ATP8B4: variants seen among roughly 807,000 people sequenced by gnomAD.
The protein encoded by ATP8B4 is probable phospholipid-transporting ATPase IM.
Under a neutral mutation model 145.6 loss-of-function variants are expected in ATP8B4, and 133 were observed. That is an observed-to-expected ratio of 0.91 (90% confidence interval 0.79 to 1.05). The LOEUF (loss-of-function observed/expected upper bound fraction) is 1.05. ATP8B4 is among the 50% of genes least tolerant of loss of function. The pLI is 0.00. For synonymous variants in ATP8B4, 507 were observed against 492.9 expected, an observed-to-expected ratio of 1.03 and a Z score of -0.38; for missense variants, 1,458 against 1,425.2, an observed-to-expected ratio of 1.02 and a Z score of -0.37.
chr15:50,157,362 A>G (rs78893458), intron 1 of ATP8B4, among the ~76,000 whole-genome samples: 2,101 of 152,360 alleles, frequency 0.014, 51 homozygotes, highest in African/African-American at 0.048. Flanking sequence ...GAGCCATGGA[A>G]GTGGAGAGCT....
intron 11 of ATP8B4, 52 bp downstream of exon 11, chr15:49,981,154 A>C: frequency 4.3e-6 from 6 of 1,383,404 alleles, no homozygotes; most frequent in Non-Finnish European, 6.1e-6. Flanking sequence ...AAGATTCAGT[A>C]AATGTACTAA....
At chr15:50,060,489 C>A (rs1336727390) in intron 3 of ATP8B4, among the ~76,000 whole-genome samples, 4 of 152,160 alleles carry the variant, frequency 2.6e-5, no homozygotes, top group Non-Finnish European at 5.9e-5. Flanking sequence ...ACTAAGTGAC[C>A]TTTCTCTTAA....
intron 1 of ATP8B4, among the ~76,000 whole-genome samples, chr15:50,132,717 C>G (rs186926739): frequency 9.8e-5 from 15 of 152,298 alleles, no homozygotes; most frequent in African/African-American, 3.6e-4. Context: ...ACCCAAATGC[C>G]CATCAGTGAC....
intron 1 of ATP8B4, among the ~76,000 whole-genome samples, chr15:50,145,530 C>G (rs142252819): frequency 6.6e-6 from 1 of 152,246 alleles, no homozygotes; most frequent in Admixed American, 6.5e-5. Context: ...CATGTAGGTG[C>G]GTCACCCTAT....
chr15:50,149,053 T>G (rs1239285104), intron 1 of ATP8B4, among the ~76,000 whole-genome samples: 1 of 152,226 alleles, frequency 6.6e-6, no homozygotes, highest in Non-Finnish European at 1.5e-5. Context: ...CCCAGGTGAT[T>G]CTCTTGTTCA....
At chr15:50,051,905 T>C (rs1014178727) in intron 3 of ATP8B4, among the ~76,000 whole-genome samples, 30 of 152,238 alleles carry the variant, frequency 2.0e-4, no homozygotes, top group African/African-American at 7.0e-4. Flanking sequence ...AATTTTCTCC[T>C]ATTTGCTTAG....
intron 16 of ATP8B4, among the ~76,000 whole-genome samples, chr15:49,928,630 G>A (rs75439169): frequency 0.013 from 1,955 of 152,006 alleles, 40 homozygotes; most frequent in African/African-American, 0.045. Flanking sequence ...TTTTAAAAGC[G>A]AATAATTTTG....
At chr15:49,878,128 T>A (rs1054408204) in intron 24 of ATP8B4, among the ~76,000 whole-genome samples, 2 of 152,090 alleles carry the variant, frequency 1.3e-5, no homozygotes, top group Non-Finnish European at 2.9e-5. Context: ...CTTATTATAT[T>A]TTTTTTGAAT....
At chr15:50,065,618 C>A (rs1244936321) in intron 3 of ATP8B4, among the ~76,000 whole-genome samples, 2 of 152,116 alleles carry the variant, frequency 1.3e-5, no homozygotes, top group Non-Finnish European at 2.9e-5. Flanking sequence ...GTAACTTACT[C>A]TTCTTTCTAT....
At chr15:50,181,121 T>C (rs2044841054) in intron 1 of ATP8B4, among the ~76,000 whole-genome samples, 1 of 152,188 alleles carries the variant, frequency 6.6e-6, no homozygotes, top group Non-Finnish European at 1.5e-5. Context: ...CTGTATAAAA[T>C]AACTCAGGCT....
chr15:49,942,920 T>C (rs575396179), intron 14 of ATP8B4, among the ~76,000 whole-genome samples: 25 of 152,232 alleles, frequency 1.6e-4, no homozygotes, highest in African/African-American at 5.5e-4. Flanking sequence ...TGGCAAATAA[T>C]TCAAAATAGC....
At chr15:49,861,402 A>ATGTGTGTGTG (rs58396806) in intron 27 of ATP8B4, among the ~76,000 whole-genome samples, 22 of 99,252 alleles carry the variant, frequency 2.2e-4, no homozygotes, top group Admixed American at 6.5e-4. Flanking sequence ...TTAAAAAAAA[A>ATGTGTGTGTG]TGTGTGTGTG....
intron 1 of ATP8B4, among the ~76,000 whole-genome samples, chr15:50,168,521 G>T (rs1187937782): frequency 1.3e-5 from 2 of 152,162 alleles, no homozygotes; most frequent in Admixed American, 6.5e-5. Context: ...CAGCAGAAAG[G>T]CCCTGGGAGC....
chr15:50,031,796 A>T (rs770182299), intron 6 of ATP8B4, among the ~76,000 whole-genome samples: 2 of 152,140 alleles, frequency 1.3e-5, no homozygotes, highest in Non-Finnish European at 2.9e-5. Context: ...CTGGAAGTAC[A>T]AGGAAGGTGG....
upstream of ATP8B4, among the ~76,000 whole-genome samples, chr15:50,122,991 T>G (rs1333793143): frequency 1.3e-5 from 2 of 152,164 alleles, no homozygotes; most frequent in African/African-American, 4.8e-5. Context: ...TATGCATTCA[T>G]ATGAAAATTG....
Position 50,087,013 on chromosome 15 carries a change from ATAT to A in ATP8B4, c.29-12831_29-12829del, listed in dbSNP as rs1204983462. 9.1e-4 allele frequency among the ~76,000 whole-genome samples: 104 copies of A among 114,608 alleles called. 1 individual carries two copies. The East Asian group carries it at 0.019, about 21-fold the overall frequency. 75.2% of individuals were successfully genotyped at this position (114,608 alleles called of 152,430 possible). A position where few individuals can be genotyped will look rare whatever the true frequency, so the allele number is the denominator to read the frequency against. On this transcript the variant is annotated intron_variant, in intron 2 of 27. Transcript: ENST00000284509. ...ATATAATAAAATAATATAGAGATCT[ATAT>A]TATTATATATAATAAAATAATATAG...
intron 6 of ATP8B4, among the ~76,000 whole-genome samples, chr15:50,021,793 T>C (rs2049595314): frequency 6.6e-6 from 1 of 152,234 alleles, no homozygotes; most frequent in African/African-American, 2.4e-5. Context: ...CATTTCTGTA[T>C]CCTTAGTACA....
At chr15:49,983,182 C>A (rs1295821791) in intron 10 of ATP8B4, among the ~76,000 whole-genome samples, 2 of 152,160 alleles carry the variant, frequency 1.3e-5, no homozygotes, top group African/African-American at 4.8e-5. Flanking sequence ...TGTGTATCCC[C>A]AGCTCATGCT....
At chr15:49,960,917 G>C (rs2153506987) in intron 14 of ATP8B4, among the ~76,000 whole-genome samples, 1 of 152,264 alleles carries the variant, frequency 6.6e-6, no homozygotes. Context: ...TGGATCACGA[G>C]GTCAGGAGAT....
Sources: gnomAD v4.1 joint callset for allele counts (sites outside exome capture counted in the v4.1 genomes callset) on GRCh38, gnomAD v4.1.1 for gene constraint, MANE v1.5 for transcripts, NCBI Gene and HGNC (gene_info 2026-07-23, HGNC 2026-07-21) for gene names.